SEMA3A: variants seen among roughly 807,000 people sequenced by gnomAD.
SEMA3A encodes semaphorin 3A, also known as semaphorin-3A.
In SEMA3A, 29 loss-of-function variants were observed where a neutral mutation model predicts 97.9. That is an observed-to-expected ratio of 0.30 (90% CI 0.22 to 0.40). The LOEUF is 0.40. Among genes scored for constraint, SEMA3A ranks in the 10% least tolerant of loss-of-function variants. The probability of loss-of-function intolerance (pLI) is 1.00; values close to 1 mark genes in which losing one functional copy is unlikely to be tolerated. For synonymous variants in SEMA3A, 321 were observed against 323.7 expected, an observed-to-expected ratio of 0.99 and a Z score of 0.09; for missense variants, 763 against 951.3, an observed-to-expected ratio of 0.80 and a Z score of 2.60.
intron 2 of SEMA3A, among the ~76,000 whole-genome samples, chr7:84,316,941 G>A (rs931981380): frequency 3.3e-5 from 5 of 152,036 alleles, no homozygotes; most frequent in Non-Finnish European, 7.4e-5. Context: ...AAACCAGTAC[G>A]CCCAGCACAA....
chr7:84,488,412 A>G (rs2116448383), intron 1 of SEMA3A, among the ~76,000 whole-genome samples: 1 of 152,216 alleles, frequency 6.6e-6, no homozygotes, highest in South Asian at 2.1e-4. Flanking sequence ...CTTTCAAAAA[A>G]CAAATACCCA....
intron 1 of SEMA3A, among the ~76,000 whole-genome samples, chr7:84,461,860 A>T (rs1805849635): frequency 6.6e-6 from 1 of 152,108 alleles, no homozygotes; most frequent in African/African-American, 2.4e-5. Flanking sequence ...TTAATTCTAC[A>T]TTGCTCAGTT....
rs932403004 is a variant in SEMA3A, at chr7:84,054,989, G to T, written c.547+5476C>A. ...TGTGAGGTGTCAGTCTGCCCCTGCT[G>T]TGGGGTGCCTCCCAGTTAGGCTGCT... On this transcript the variant is annotated intron_variant, in intron 5 of 16. Transcript: ENST00000265362. 1.7e-4 allele frequency among the ~76,000 whole-genome samples: 26 copies of T among 152,192 alleles called. No homozygotes were observed. In the East Asian group the frequency reaches 4.3e-3, roughly 25 times the overall value.
intron 4 of SEMA3A, among the ~76,000 whole-genome samples, chr7:84,077,300 A>G (rs57770763): frequency 0.12 from 18,247 of 152,110 alleles, 1,175 homozygotes; most frequent in South Asian, 0.15. Flanking sequence ...GTGATCTTAT[A>G]ATTTCTTAAA....
At chr7:84,243,436 A>C (rs1799411715) in intron 3 of SEMA3A, among the ~76,000 whole-genome samples, 1 of 152,110 alleles carries the variant, frequency 6.6e-6, no homozygotes, top group Non-Finnish European at 1.5e-5. Context: ...ATTTGCGTAG[A>C]GGTGTTTACA....
At chr7:84,486,855 A>T (rs1314734544) in intron 1 of SEMA3A, among the ~76,000 whole-genome samples, 1 of 152,196 alleles carries the variant, frequency 6.6e-6, no homozygotes, top group Non-Finnish European at 1.5e-5. Flanking sequence ...ATCATTATGT[A>T]GCATGTAAAA....
intron 3 of SEMA3A, among the ~76,000 whole-genome samples, chr7:84,288,657 C>T (rs1773825184): frequency 6.6e-6 from 1 of 151,954 alleles, no homozygotes; most frequent in Non-Finnish European, 1.5e-5. Flanking sequence ...GAGATTGCAC[C>T]ACTGCACTCT....
rs771390210 is a variant in SEMA3A, at chr7:84,110,485, A to C, written c.438T>G (p.Ile146Met). Residue 146 changes from isoleucine to methionine, a missense_variant, in exon 4 of 17, where the codon ATT becomes ATG. By Grantham distance (10) the Ile-to-Met change is conservative. This residue lies in a region of SEMA3A where 678 missense variants were observed against 881.3 expected (regional missense o/e 0.77). Transcript: ENST00000265362. ...CCAGCGTTACCTCAGGATGATGTCC[A>C]ATTTCAATGTAGGTGCAAATTGGAT... ...AFHPICTYIE[I>M]GHHPEDNIFK... is the part of the protein sequence containing the mutation. 3 of 1,613,830 alleles carry C rather than the reference A, an allele frequency of 1.9e-6. No homozygotes were observed. The Admixed American group carries it at 5.0e-5, about 27-fold the overall frequency.
rs554613342 is a variant in SEMA3A at position 84,194,550 on chromosome 7, C to G, written c.37G>C (p.Gly13Arg). The G allele has an allele frequency of 1.9e-5, 31 of 1,613,222 alleles. No individual in the cohort carries two copies. The highest frequency in any genetic ancestry group is 2.6e-5 in the Non-Finnish European group (31 of 1,179,326). Residue 13 changes from glycine (G) to arginine (R), a missense_variant, in exon 1 of 17, where the codon GGA becomes CGA. Coordinates refer to ENST00000265362, the MANE Select transcript of SEMA3A (RefSeq NM_006080.3). ...WLTRIVCLFW[G>R]VLLTARANYQ... ...TTTGCTCTTGCTGTAAGTAATACTC[C>G]CCAGAAAAGACAGACAATCCTAGTT... is the stretch of plus-strand genomic sequence containing the variant.
At chr7:84,141,394 T>C (rs1796287329) in intron 1 of SEMA3A, among the ~76,000 whole-genome samples, 1 of 152,134 alleles carries the variant, frequency 6.6e-6, no homozygotes, top group African/African-American at 2.4e-5. Context: ...CCCTTTGTAT[T>C]TGTTGATGTT....
At chr7:84,386,207 A>T (rs1562928499) in intron 1 of SEMA3A, among the ~76,000 whole-genome samples, 1 of 152,222 alleles carries the variant, frequency 6.6e-6, no homozygotes, top group African/African-American at 2.4e-5. Context: ...AAGCTGGGTT[A>T]GTTAGAAACA....
At chr7:84,113,664 T>C (rs1795339163) in intron 3 of SEMA3A, among the ~76,000 whole-genome samples, 1 of 152,184 alleles carries the variant, frequency 6.6e-6, no homozygotes. Flanking sequence ...CCTTGATCCT[T>C]TTTGGAATTT....
At chr7:83,995,963 G>T (rs565952080) in intron 12 of SEMA3A, among the ~76,000 whole-genome samples, 2 of 152,298 alleles carry the variant, frequency 1.3e-5, no homozygotes, top group African/African-American at 4.8e-5. Flanking sequence ...CTGCTCAGCT[G>T]TTCATGGAAT....
At chr7:84,153,752 CA>C (rs1796750381) in intron 1 of SEMA3A, among the ~76,000 whole-genome samples, 1 of 152,008 alleles carries the variant, frequency 6.6e-6, no homozygotes, top group Non-Finnish European at 1.5e-5. Flanking sequence ...GCTTCTATTA[CA>C]CTTCTCTACA....
intron 2 of SEMA3A, among the ~76,000 whole-genome samples, chr7:84,357,277 C>T (rs2522372): frequency 9.4e-5 from 14 of 148,750 alleles, no homozygotes; most frequent in East Asian, 4.0e-4. Flanking sequence ...TATGCCTCCC[C>T]GCCCCACCCC....
chr7:84,350,555 T>A (rs1394198725), intron 2 of SEMA3A, among the ~76,000 whole-genome samples: 1 of 152,188 alleles, frequency 6.6e-6, no homozygotes, highest in African/African-American at 2.4e-5. Context: ...CTGGGGTAAT[T>A]GCATTCCATA....
chr7:84,009,629 G>A (rs1297361383), intron 9 of SEMA3A, among the ~76,000 whole-genome samples: 1 of 152,028 alleles, frequency 6.6e-6, no homozygotes, highest in Non-Finnish European at 1.5e-5. Flanking sequence ...ATGTACATGT[G>A]TTTCTTTCAA....
chr7:84,462,802 T>G (rs1005125472), intron 1 of SEMA3A, among the ~76,000 whole-genome samples: 1 of 151,996 alleles, frequency 6.6e-6, no homozygotes, highest in South Asian at 2.1e-4. Flanking sequence ...TACATAGCTA[T>G]AGCTATAGAT....
chr7:84,288,299 T>G (rs1159694760), intron 3 of SEMA3A, among the ~76,000 whole-genome samples: 1 of 152,088 alleles, frequency 6.6e-6, no homozygotes, highest in African/African-American at 2.4e-5. Context: ...TATTGAATGT[T>G]TAAACGAATT....
Sources: gnomAD v4.1 joint callset for allele counts (sites outside exome capture counted in the v4.1 genomes callset) on GRCh38, gnomAD v4.1.1 for gene constraint, gnomAD v4.1.1 regional missense constraint, MANE v1.5 for transcripts, NCBI Gene and HGNC (gene_info 2026-07-23, HGNC 2026-07-21) for gene names.